OPHN1: variants seen among roughly 807,000 people sequenced by gnomAD.
The protein encoded by OPHN1 is oligophrenin 1.
In OPHN1, 11 loss-of-function variants were observed where a neutral mutation model predicts 60.7. That is an observed-to-expected ratio of 0.18 (90% CI 0.11 to 0.30). The LOEUF is 0.30. Ranked by LOEUF, OPHN1 falls within the 10% of genes least tolerant of loss-of-function variation. OPHN1 has a pLI of 1.00. For synonymous variants in OPHN1, 226 were observed against 222.6 expected, an observed-to-expected ratio of 1.02 and a Z score of -0.14; for missense variants, 449 against 611.0, an observed-to-expected ratio of 0.73 and a Z score of 2.80.
intron 2 of OPHN1, among the ~76,000 whole-genome samples, chrX:68,430,669 C>T (rs891441905): frequency 1.8e-5 from 2 of 110,098 alleles, no homozygotes; most frequent in Non-Finnish European, 3.8e-5. Flanking sequence ...CCAAAAAATA[C>T]AAAAATTAGC....
chrX:68,255,421 G>A (rs990605809), intron 5 of OPHN1, among the ~76,000 whole-genome samples: 1 of 112,296 alleles, frequency 8.9e-6, no homozygotes, highest in Non-Finnish European at 1.9e-5. Context: ...GCCATGCCAC[G>A]GTACCTAAAC....
At chrX:68,412,187 CAG>C (rs1199244250) in intron 2 of OPHN1, among the ~76,000 whole-genome samples, 3 of 111,812 alleles carry the variant, frequency 2.7e-5, no homozygotes, top group Non-Finnish European at 5.6e-5. Flanking sequence ...CTGGCTATAT[CAG>C]TGCAGATTTT....
intron 6 of OPHN1, among the ~76,000 whole-genome samples, chrX:68,217,233 C>T (rs1047888422): frequency 2.7e-5 from 3 of 111,871 alleles, no homozygotes; most frequent in Non-Finnish European, 5.7e-5. Context: ...GCTTAAAAAA[C>T]GGAGCACCAC....
intron 3 of OPHN1, among the ~76,000 whole-genome samples, chrX:68,295,921 C>T (rs1004962414): frequency 3.6e-5 from 4 of 111,820 alleles, no homozygotes; most frequent in Non-Finnish European, 7.5e-5. Context: ...ATCACAATTC[C>T]ATCCAAAGTG....
At chrX:68,136,352 G>GGA (rs1375157151) in intron 15 of OPHN1, among the ~76,000 whole-genome samples, 1 of 93,483 alleles carries the variant, frequency 1.1e-5, no homozygotes, top group Non-Finnish European at 2.0e-5. Context: ...CACCCAGGCT[G>GGA]GAGTGCAGTG....
At chrX:68,181,562 C>T (rs752765847) in intron 15 of OPHN1, among the ~76,000 whole-genome samples, 5 of 111,405 alleles carry the variant, frequency 4.5e-5, no homozygotes, top group African/African-American at 6.5e-5. Flanking sequence ...TGGTGGTTCA[C>T]GCCTGTAATC....
At chrX:68,394,767 C>T (rs1444344670) in intron 2 of OPHN1, among the ~76,000 whole-genome samples, 3 of 111,334 alleles carry the variant, frequency 2.7e-5, no homozygotes, top group Non-Finnish European at 5.6e-5. Flanking sequence ...CTGCCTCACC[C>T]TCCCAAGTAG....
chrX:68,366,513 G>C (rs1226714370), intron 2 of OPHN1, among the ~76,000 whole-genome samples: 1 of 109,814 alleles, frequency 9.1e-6, no homozygotes, highest in Admixed American at 9.8e-5. Flanking sequence ...GTGTGTATGT[G>C]CAGGTATGTG....
At chrX:68,047,833 G>C (rs1212247154) in intron 24 of OPHN1, among the ~76,000 whole-genome samples, 1 of 112,146 alleles carries the variant, frequency 8.9e-6, no homozygotes, top group Admixed American at 9.4e-5. Context: ...CTCCTGGCAT[G>C]TGATATGCAT....
At chrX:68,102,869 T>G (rs1322930541) in intron 18 of OPHN1, among the ~76,000 whole-genome samples, 7 of 111,433 alleles carry the variant, frequency 6.3e-5, no homozygotes, top group Non-Finnish European at 1.1e-4. Context: ...AGTTCTGAAA[T>G]TGAGGCAGAA....
chrX:68,335,798 C>A (rs1194083045), intron 2 of OPHN1, among the ~76,000 whole-genome samples: 2 of 111,039 alleles, frequency 1.8e-5, no homozygotes, highest in African/African-American at 3.3e-5. Context: ...GCACGGGTGG[C>A]GTGCACCTGT....
At chrX:68,406,319 C>T (rs762398047) in intron 2 of OPHN1, among the ~76,000 whole-genome samples, 3 of 111,134 alleles carry the variant, frequency 2.7e-5, no homozygotes, top group Non-Finnish European at 5.7e-5. Context: ...TGTTAAATTT[C>T]CTGACTTTGA....
chrX:68,046,371 G>T lies in OPHN1; in HGVS notation c.*801C>A, dbSNP rs1483497583. ...AAACACAGTCTCCTTTTTTTAAAAA[G>T]AAATGTGTTCAGCTTTTGTTTGTTT... On this transcript the variant is annotated 3_prime_UTR_variant, in exon 25 of 25. Coordinates refer to ENST00000355520, the MANE Select transcript of OPHN1 (RefSeq NM_002547.3). 1.8e-5 allele frequency: 2 copies of T among 112,359 alleles called. No individual in the cohort carries two copies. The highest frequency in any genetic ancestry group is 6.5e-5 in the African/African-American group (2 of 30,954). 9.3% of individuals were successfully genotyped at this position (112,359 alleles called of 1,213,427 possible).
intron 5 of OPHN1, among the ~76,000 whole-genome samples, chrX:68,267,119 A>C (rs1280818061): frequency 4.5e-5 from 5 of 111,292 alleles, no homozygotes; most frequent in Admixed American, 9.6e-5. Context: ...GACAGATCAA[A>C]GAGACAGAAA....
At chrX:68,312,812 A>T (rs1447176158) in intron 2 of OPHN1, among the ~76,000 whole-genome samples, 2 of 111,743 alleles carry the variant, frequency 1.8e-5, no homozygotes, top group African/African-American at 6.5e-5. Context: ...TAAAATCAGG[A>T]ATAAAATTAG....
rs142504391 is a variant in OPHN1 at position 68,367,320 on chromosome X, C to T, written c.154+65547G>A. 2.4e-4 allele frequency among the ~76,000 whole-genome samples: 25 copies of T among 104,073 alleles called. No individual in the cohort carries two copies. The East Asian group carries it at 7.3e-3, about 30-fold the overall frequency. 90.4% of individuals were successfully genotyped at this position (104,073 alleles called of 115,157 possible). A position where few individuals can be genotyped will look rare whatever the true frequency, so the allele number is the denominator to read the frequency against. ...AGTGAACCGAGATAGCACCACTGCA[C>T]TCCAGCCTGGGCAACAGAGCAAGAC... On this transcript the variant is annotated intron_variant, in intron 2 of 24. Coordinates refer to ENST00000355520, the MANE Select transcript of OPHN1 (RefSeq NM_002547.3).
At chrX:68,183,676 A>G (rs1482845829) in intron 15 of OPHN1, among the ~76,000 whole-genome samples, 1 of 98,967 alleles carries the variant, frequency 1.0e-5, no homozygotes, top group Non-Finnish European at 2.0e-5. Context: ...AAAAAATACA[A>G]TTAAAAAATT....
chrX:68,431,259 T>C (rs1378556291), intron 2 of OPHN1, among the ~76,000 whole-genome samples: 1 of 111,681 alleles, frequency 9.0e-6, no homozygotes, highest in African/African-American at 3.3e-5. Flanking sequence ...CATTAAAAGA[T>C]CAAACACAAT....
chrX:68,056,372 G>T (rs1442832874), intron 21 of OPHN1, among the ~76,000 whole-genome samples: 2 of 111,558 alleles, frequency 1.8e-5, no homozygotes, highest in Non-Finnish European at 3.8e-5. Context: ...ATATTAATAT[G>T]TACGTTTTTT....
Sources: gnomAD v4.1 joint callset for allele counts (sites outside exome capture counted in the v4.1 genomes callset) on GRCh38, gnomAD v4.1.1 for gene constraint, MANE v1.5 for transcripts, NCBI Gene and HGNC (gene_info 2026-07-23, HGNC 2026-07-21) for gene names.